Variants in UBASH3B observed in about 807,000 individuals in gnomAD.
The protein encoded by UBASH3B is ubiquitin-associated and SH3 domain-containing protein B.
In UBASH3B, 37 loss-of-function variants were observed where a neutral mutation model predicts 83.4. That is an observed-to-expected ratio of 0.44 (90% CI 0.34 to 0.58). The LOEUF (loss-of-function observed/expected upper bound fraction) is 0.58, where lower values mean the gene tolerates loss of function less well. Among genes scored for constraint, UBASH3B ranks in the 20% least tolerant of loss-of-function variants. The pLI, the probability that UBASH3B is intolerant of heterozygous loss-of-function variation, is 0.01. For missense variants in UBASH3B, 657 were observed against 827.2 expected (o/e 0.79, Z 2.52); for synonymous variants, 304 against 318.3 (o/e 0.96, Z 0.48).
intron 9 of UBASH3B, among the ~76,000 whole-genome samples, chr11:122,798,627 C>T (rs985542952): frequency 3.3e-5 from 5 of 149,992 alleles, no homozygotes; most frequent in Admixed American, 1.3e-4. Flanking sequence ...AGGAGAATGG[C>T]TTGAACCCGG....
At chr11:122,741,562 G>A (rs1271592850) in intron 1 of UBASH3B, among the ~76,000 whole-genome samples, 2 of 152,142 alleles carry the variant, frequency 1.3e-5, no homozygotes, top group Non-Finnish European at 1.5e-5. Context: ...GTGAGTGATC[G>A]AATACTCCAA....
rs909328043 is a variant in UBASH3B at position 122,759,928 on chromosome 11, T to G, written c.162-16291T>G. ...ATCACCTTTGCCATATAGAGGTAAGTCATAGGTCTCACCTACACTTGAGGG... is the reference window on the plus strand; with the variant it reads ...ATCACCTTTGCCATATAGAGGTAAGGCATAGGTCTCACCTACACTTGAGGG... On this transcript the variant is annotated intron_variant, in intron 1 of 13. Transcript: ENST00000284273. This position sits in a 1 kb window ranked among gnomAD's most constrained non-coding sequence, Gnocchi z 4.1. Among the ~76,000 whole-genome samples, 1 of 152,114 alleles carries G rather than the reference T, an allele frequency of 6.6e-6. No homozygotes were observed. The highest frequency in any genetic ancestry group is 2.4e-5 in the African/African-American group (1 of 41,398).
At chr11:122,671,850 G>T (rs1863597444) in intron 1 of UBASH3B, among the ~76,000 whole-genome samples, 1 of 152,240 alleles carries the variant, frequency 6.6e-6, no homozygotes, top group Admixed American at 6.5e-5. Flanking sequence ...TGTTTGCTGT[G>T]CAGCTGGCTC....
chr11:122,721,073 G>A (rs529979554), intron 1 of UBASH3B, among the ~76,000 whole-genome samples: 37 of 150,636 alleles, frequency 2.5e-4, no homozygotes, highest in East Asian at 1.2e-3. Context: ...GTGAAACCCC[G>A]TCTCTACCAA....
intron 1 of UBASH3B, among the ~76,000 whole-genome samples, chr11:122,757,329 AG>A (rs1861297713): frequency 6.6e-6 from 1 of 152,146 alleles, no homozygotes; most frequent in African/African-American, 2.4e-5. Context: ...TCACTGTGTG[AG>A]GCTATAAGAA....
chr11:122,697,257 G>A (rs7101714), intron 1 of UBASH3B, among the ~76,000 whole-genome samples: 4,307 of 152,244 alleles, frequency 0.028, 201 homozygotes, highest in African/African-American at 0.099. Flanking sequence ...AATCGACAAA[G>A]TACTTTTACA....
chr11:122,766,076 G>A (rs980104468), intron 1 of UBASH3B, among the ~76,000 whole-genome samples: 1 of 152,178 alleles, frequency 6.6e-6, no homozygotes, highest in African/African-American at 2.4e-5. Context: ...AAGGAGAGGG[G>A]CAGGATAGCA....
chr11:122,788,910 A>G (rs1861002112), intron 5 of UBASH3B, among the ~76,000 whole-genome samples, 190 bp from the exon 6 acceptor site: 1 of 152,216 alleles, frequency 6.6e-6, no homozygotes, highest in South Asian at 2.1e-4. Flanking sequence ...ATACACCGTC[A>G]ATACCCTGAA....
Position 122,782,955 on chromosome 11 carries a change from A to G in UBASH3B, c.602-98A>G. 4 of 1,406,302 alleles carry G rather than the reference A, an allele frequency of 2.8e-6. No individual in the cohort carries two copies. The Middle Eastern group carries it at 5.6e-4, about 196-fold the overall frequency. The allele number at this position is 1,406,302 out of a possible 1,614,324, so 87.1% of individuals were successfully genotyped here. ...TTGTCTTCTTTGTTATGTGGGAAGC[A>G]GAATTTCTCAGGGTACCTTTCTATG... On this transcript the variant is annotated intron_variant, in intron 4 of 13. Transcript: ENST00000284273.
At chr11:122,770,411 C>G (rs1166071896) in intron 1 of UBASH3B, among the ~76,000 whole-genome samples, 3 of 151,710 alleles carry the variant, frequency 2.0e-5, no homozygotes, top group Non-Finnish European at 4.4e-5. Context: ...CCCTAGAGAA[C>G]CTGCTGGTCT....
At chr11:122,666,706 C>T (rs531115751) in intron 1 of UBASH3B, among the ~76,000 whole-genome samples, 11 of 152,298 alleles carry the variant, frequency 7.2e-5, no homozygotes, top group South Asian at 2.1e-4. Context: ...CATGAGCCAC[C>T]GCGCCCAGCT....
intron 1 of UBASH3B, among the ~76,000 whole-genome samples, chr11:122,723,157 G>T (rs1253469990): frequency 6.6e-6 from 1 of 152,134 alleles, no homozygotes. Context: ...GTAGGCTTAA[G>T]AGGATCAGAA....
intron 10 of UBASH3B, 88 bp downstream of exon 10, chr11:122,799,122 A>G: frequency 9.1e-7 from 1 of 1,104,590 alleles, no homozygotes; most frequent in South Asian, 1.4e-5. Context: ...GCCATGGGAC[A>G]TTTGCCAGTT....
Position 122,794,849 on chromosome 11 carries a change from T to A in UBASH3B, c.1113+15T>A, listed in dbSNP as rs757267866. ...AGCCCATGCAGGTAAGGCTGATTGCTAGGGTCACACCCCCAACTCTAACCA... is the reference window on the plus strand; with the variant it reads ...AGCCCATGCAGGTAAGGCTGATTGCAAGGGTCACACCCCCAACTCTAACCA... On this transcript the variant is annotated intron_variant, in intron 7 of 13. Coordinates refer to ENST00000284273, the MANE Select transcript of UBASH3B (RefSeq NM_032873.5). 6 of 1,613,042 alleles carry A rather than the reference T, an allele frequency of 3.7e-6. No homozygotes were observed. The East Asian group carries it at 1.3e-4, about 36-fold the overall frequency.
At chr11:122,777,315 A>G (rs1274305485) in intron 3 of UBASH3B, 105 bp downstream of exon 3, 25 of 1,255,838 alleles carry the variant, frequency 2.0e-5, no homozygotes, top group Middle Eastern at 2.7e-4. Context: ...CAGCAGGAAT[A>G]GTCACAGGCT....
chr11:122,682,757 C>T (rs1863758434), intron 1 of UBASH3B, among the ~76,000 whole-genome samples: 1 of 152,174 alleles, frequency 6.6e-6, no homozygotes, highest in Non-Finnish European at 1.5e-5. Context: ...GGGAAGCTTG[C>T]TCTGTAGAAT....
chr11:122,760,868 CTT>C (rs1268043143), intron 1 of UBASH3B, among the ~76,000 whole-genome samples: 2 of 152,190 alleles, frequency 1.3e-5, no homozygotes, highest in African/African-American at 4.8e-5. Context: ...CTGGAAATCT[CTT>C]TTTGTCATAC....
chr11:122,679,719 A>AAT (rs1863714376), intron 1 of UBASH3B, among the ~76,000 whole-genome samples: 1 of 152,220 alleles, frequency 6.6e-6, no homozygotes, highest in Non-Finnish European at 1.5e-5. Context: ...TATATAAACA[A>AAT]ATAAGCATGG....
chr11:122,715,486 T>C (rs1860504299), intron 1 of UBASH3B, among the ~76,000 whole-genome samples: 1 of 152,216 alleles, frequency 6.6e-6, no homozygotes, highest in African/African-American at 2.4e-5. Context: ...ATAGAACCTC[T>C]GAGGCTGTTG....
Sources: allele counts gnomAD v4.1 joint callset (sites outside exome capture counted in the v4.1 genomes callset), GRCh38; gene constraint gnomAD v4.1.1; non-coding constraint Gnocchi (gnomAD v3.1); transcripts MANE v1.5; gene names NCBI Gene and HGNC (gene_info 2026-07-23, HGNC 2026-07-21).